COL5A2: variants seen among roughly 807,000 people sequenced by gnomAD.
The protein encoded by COL5A2 is collagen type V alpha 2 chain, also known as collagen alpha-2(V) chain.
In COL5A2, 23 loss-of-function variants were observed where a neutral mutation model predicts 208.2. The observed-to-expected ratio is 0.11, with a 90% CI of 0.08 to 0.16. The LOEUF (loss-of-function observed/expected upper bound fraction) is 0.16, where lower values mean the gene tolerates loss of function less well. Among genes scored for constraint, COL5A2 ranks in the 10% least tolerant of loss-of-function variants. COL5A2 has a pLI of 1.00. For synonymous variants in COL5A2, 625 were observed against 628.5 expected (o/e 0.99, Z 0.08); for missense variants, 1,590 against 1,956.4 (o/e 0.81, Z 3.53).
the COL5A2 span, among the ~76,000 whole-genome samples, chr2:189,242,656 C>T: frequency 3.9e-4 from 60 of 152,286 alleles, no homozygotes; most frequent in Non-Finnish European, 1.5e-5. Context: ...CCATGATATA[C>T]TGTAATGCCA....
chr2:189,196,932 C>T (rs1689008350), intron 1 of COL5A2, among the ~76,000 whole-genome samples: 1 of 152,084 alleles, frequency 6.6e-6, no homozygotes, highest in Non-Finnish European at 1.5e-5. Context: ...TTTGACCCAG[C>T]AATCCCGTTA....
the COL5A2 span, among the ~76,000 whole-genome samples, chr2:189,234,458 A>G: frequency 6.6e-6 from 1 of 151,780 alleles, no homozygotes; most frequent in Admixed American, 6.6e-5. Context: ...GCATATTTAA[A>G]TGAAGATTTT....
chr2:189,102,958 T>A (rs1462222060), intron 3 of COL5A2, among the ~76,000 whole-genome samples: 4 of 152,050 alleles, frequency 2.6e-5, no homozygotes, highest in Non-Finnish European at 5.9e-5. Flanking sequence ...TTCACCCAGC[T>A]CTCCCACACT....
Position 189,053,387 on chromosome 2 carries a change from T to A in COL5A2, c.2553+37A>T, listed in dbSNP as rs563849855. ...ATTAAACTTATTATAACAAGATAAG[T>A]GTTTATTTGTAAATTAGGGATATTT... On this transcript the variant is annotated intron_variant, in intron 38 of 53. Coordinates refer to ENST00000374866, the MANE Select transcript of COL5A2 (RefSeq NM_000393.5). The A allele has an allele frequency of 1.9e-4, 284 of 1,520,124 alleles. 1 individual carries two copies. The South Asian group carries it at 2.7e-3, about 15-fold the overall frequency. 94.2% of individuals were successfully genotyped at this position (1,520,124 alleles called of 1,614,324 possible). A position where few individuals can be genotyped will look rare whatever the true frequency, so the allele number is the denominator to read the frequency against.
the COL5A2 span, among the ~76,000 whole-genome samples, chr2:189,402,171 G>A: frequency 4.6e-5 from 7 of 151,992 alleles, no homozygotes; most frequent in African/African-American, 1.7e-4. Context: ...TATTGCCTAG[G>A]TTTCTTATAA....
chr2:189,060,968 C>T lies in COL5A2; in HGVS notation c.2032-185G>A, dbSNP rs567915801. On this transcript the variant is annotated intron_variant, in intron 30 of 53. Coordinates refer to ENST00000374866, the MANE Select transcript of COL5A2 (RefSeq NM_000393.5). ...CATTAAAAAAAGACTACCAATAAAA[C>T]ACAACAGCTAGTCAATTTATAGGAT... Among the ~76,000 whole-genome samples, 4 of 151,908 alleles carry T rather than the reference C, an allele frequency of 2.6e-5. No homozygotes were observed. The South Asian group carries it at 8.3e-4, about 32-fold the overall frequency.
intron 1 of COL5A2, among the ~76,000 whole-genome samples, chr2:189,212,075 G>A (rs1689219125): frequency 6.6e-6 from 1 of 152,258 alleles, no homozygotes; most frequent in East Asian, 1.9e-4. Context: ...ACAGTGAGGG[G>A]ATTATTTTAT....
chr2:189,060,633 T>C (rs1320054523), intron 31 of COL5A2, 97 bp downstream of exon 31: 11 of 1,004,236 alleles, frequency 1.1e-5, no homozygotes, highest in Middle Eastern at 2.2e-4. Flanking sequence ...AAAGAGATAA[T>C]GTATGTAAAG....
At chr2:189,076,880 A>C (rs918582882) in intron 16 of COL5A2, among the ~76,000 whole-genome samples, 26 of 152,102 alleles carry the variant, frequency 1.7e-4, no homozygotes, top group Non-Finnish European at 7.4e-5. Flanking sequence ...CAGGAGTTTT[A>C]GACAAGCTTG....
At chr2:189,045,376 GATTA>G (rs1265641490) in intron 46 of COL5A2, 144 bp from the exon 47 acceptor site, 24 of 614,372 alleles carry the variant, frequency 3.9e-5, no homozygotes, top group Admixed American at 1.6e-4. Context: ...ATACTCTTAT[GATTA>G]ATTAATTGAA....
At chr2:189,287,844 T>G in the COL5A2 span, among the ~76,000 whole-genome samples, 1 of 152,216 alleles carries the variant, frequency 6.6e-6, no homozygotes. Context: ...TTTTTTAAAT[T>G]AAGCAGAAAA....
intron 35 of COL5A2, among the ~76,000 whole-genome samples, chr2:189,055,114 C>T (rs751100877): frequency 6.6e-6 from 1 of 152,040 alleles, no homozygotes; most frequent in Non-Finnish European, 1.5e-5. Flanking sequence ...TGATCTCCTG[C>T]CCTCATGATC....
At chr2:189,379,422 G>A in the COL5A2 span, among the ~76,000 whole-genome samples, 22 of 151,946 alleles carry the variant, frequency 1.4e-4, no homozygotes. Context: ...CATTTTTTAC[G>A]GCTGGATGAA....
intron 17 of COL5A2, among the ~76,000 whole-genome samples, chr2:189,074,107 A>G (rs1238884032): frequency 6.6e-6 from 1 of 152,118 alleles, no homozygotes; most frequent in Admixed American, 6.5e-5. Context: ...TTTACATTTG[A>G]TTCTATGTTT....
chr2:189,292,002 C>A, the COL5A2 span, among the ~76,000 whole-genome samples: 2 of 152,164 alleles, frequency 1.3e-5, no homozygotes, highest in Middle Eastern at 3.4e-3. Context: ...ATAATTAACA[C>A]CCCAGAAGGA....
chr2:189,190,555 A>C (rs538065967), intron 1 of COL5A2, among the ~76,000 whole-genome samples: 64 of 152,332 alleles, frequency 4.2e-4, no homozygotes, highest in African/African-American at 1.5e-3. Flanking sequence ...TCAATTTCTA[A>C]AGCCCAGCAG....
Position 189,063,288 on chromosome 2 carries a change from G to C in COL5A2, c.1771-18C>G. The C allele has an allele frequency of 6.2e-7, 1 of 1,601,380 alleles. No individual in the cohort carries two copies. The highest frequency in any genetic ancestry group is 8.6e-7 in the Non-Finnish European group (1 of 1,169,452). On this transcript the variant is annotated intron_variant, in intron 26 of 53. Transcript: ENST00000374866. ...GGCGCACCCTATAGAATTGACAGGA[G>C]CCATGTAAGTTTCATGTAAGTTGTT...
At chr2:189,439,270 A>G in the COL5A2 span, among the ~76,000 whole-genome samples, 6 of 152,120 alleles carry the variant, frequency 3.9e-5, no homozygotes, top group Non-Finnish European at 7.4e-5. Context: ...TTTGTTAACT[A>G]TTTTTCTCAC....
At chr2:189,247,707 G>A in the COL5A2 span, among the ~76,000 whole-genome samples, 74 of 151,658 alleles carry the variant, frequency 4.9e-4, no homozygotes, top group Non-Finnish European at 8.1e-4. Flanking sequence ...AGCCTCCCCA[G>A]TAGCTGGGAT....
Sources: gnomAD v4.1 joint callset for allele counts (sites outside exome capture counted in the v4.1 genomes callset) on GRCh38, gnomAD v4.1.1 for gene constraint, MANE v1.5 for transcripts, NCBI Gene and HGNC (gene_info 2026-07-23, HGNC 2026-07-21) for gene names.